The following LSM12 variants were observed in gnomAD, a reference collection of about 807,000 sequenced individuals.
LSM12 encodes the protein LSM12 homolog.
For synonymous variants in LSM12, 74 were observed against 87.3 expected, an observed-to-expected ratio of 0.85 and a Z score of 0.85; for missense variants, 108 against 238.9, an observed-to-expected ratio of 0.45 and a Z score of 3.61.
In LSM12 at chr17:44,066,602, C is replaced by CGCGGCCGGCGGCGGCGGCGGCAGCA. The variant is rs1313563031; in HGVS notation, c.-40_-16dup. ...GGAGCCGCCATCTTGGGAGTGCAGC[C>CGCGGCCGGCGGCGGCGGCGGCAGCA]GCGGCCGGCGGCGGCGGCGGCAGCA... is the stretch of plus-strand genomic sequence containing the variant. On this transcript the variant is annotated 5_prime_UTR_variant, in exon 1 of 5. Coordinates refer to ENST00000293406, the MANE Select transcript of LSM12 (RefSeq NM_001371445.1). The CGCGGCCGGCGGCGGCGGCGGCAGCA allele has an allele frequency of 7.4e-7, 1 of 1,355,384 alleles. No homozygotes were observed. Among genetic ancestry groups the CGCGGCCGGCGGCGGCGGCGGCAGCA allele is most frequent in the Non-Finnish European group, 9.5e-7 (1 of 1,049,964 alleles). 84.0% of individuals were successfully genotyped at this position (1,355,384 alleles called of 1,614,324 possible).
chr17:44,057,977 C>T (rs986007692), intron 2 of LSM12, among the ~76,000 whole-genome samples: 1 of 151,846 alleles, frequency 6.6e-6, no homozygotes, highest in African/African-American at 2.4e-5. Flanking sequence ...TGGCTCACGC[C>T]TGTAATCCCA....
chr17:44,057,050 G>A (rs1281611713), intron 2 of LSM12, among the ~76,000 whole-genome samples: 1 of 151,996 alleles, frequency 6.6e-6, no homozygotes, highest in East Asian at 2.0e-4. Flanking sequence ...CAGCTACTCG[G>A]GAGGCTGAGA....
At chr17:44,053,856 T>C (rs928942866) in intron 2 of LSM12, among the ~76,000 whole-genome samples, 8 of 152,150 alleles carry the variant, frequency 5.3e-5, no homozygotes, top group Admixed American at 6.6e-5. Context: ...CTCTACCACT[T>C]GTTTGGTTCC....
intron 2 of LSM12, among the ~76,000 whole-genome samples, chr17:44,055,776 C>A (rs1276305396): frequency 2.1e-5 from 3 of 145,602 alleles, no homozygotes; most frequent in Non-Finnish European, 3.0e-5. Flanking sequence ...AAGATATAAC[C>A]AAGAGCCCTG....
At chr17:44,046,757 T>C (rs976452379) in intron 2 of LSM12, among the ~76,000 whole-genome samples, 14 of 117,776 alleles carry the variant, frequency 1.2e-4, no homozygotes, top group African/African-American at 5.0e-4. Flanking sequence ...CTTTTTTTTT[T>C]TCTTTTTTTT....
chr17:44,051,140 C>T (rs1286910469), intron 2 of LSM12, among the ~76,000 whole-genome samples: 1 of 152,026 alleles, frequency 6.6e-6, no homozygotes, highest in Admixed American at 6.6e-5. Flanking sequence ...GGAGTGGTGG[C>T]TCACACCTGT....
At chr17:44,055,691 A>AATAT (rs893458630) in intron 2 of LSM12, among the ~76,000 whole-genome samples, 60 of 144,496 alleles carry the variant, frequency 4.2e-4, no homozygotes, top group African/African-American at 1.5e-3. Flanking sequence ...ATATATATAA[A>AATAT]ATATATATAT....
chr17:44,051,089 T>C (rs1022314807), intron 2 of LSM12, among the ~76,000 whole-genome samples: 3 of 151,962 alleles, frequency 2.0e-5, no homozygotes, highest in Non-Finnish European at 2.9e-5. Flanking sequence ...TTGGCCAACA[T>C]AGTGAAACCC....
intron 2 of LSM12, among the ~76,000 whole-genome samples, chr17:44,042,811 C>T: frequency 6.6e-6 from 1 of 152,138 alleles, no homozygotes; most frequent in East Asian, 1.9e-4. Flanking sequence ...TCGTGATCCA[C>T]CCACCTGGGC....
intron 2 of LSM12, among the ~76,000 whole-genome samples, chr17:44,057,147 CT>C (rs1040317013): frequency 2.0e-5 from 3 of 147,832 alleles, no homozygotes; most frequent in East Asian, 4.2e-4. Flanking sequence ...CAGAGTAAGA[CT>C]TTTTTTTTCT....
At chr17:44,056,344 C>G (rs1407706527) in intron 2 of LSM12, among the ~76,000 whole-genome samples, 1 of 151,620 alleles carries the variant, frequency 6.6e-6, no homozygotes, top group Non-Finnish European at 1.5e-5. Context: ...TAGCTCACTC[C>G]TGTAAATCCA....
chr17:44,046,023 G>A (rs543599282), intron 2 of LSM12, among the ~76,000 whole-genome samples: 11 of 138,832 alleles, frequency 7.9e-5, no homozygotes, highest in East Asian at 2.2e-4. Context: ...TGCAAGCTCC[G>A]CCTCCTGGGT....
chr17:44,059,892 T>C (rs1185632982), intron 2 of LSM12, among the ~76,000 whole-genome samples: 1 of 152,056 alleles, frequency 6.6e-6, no homozygotes, highest in African/African-American at 2.4e-5. Context: ...AGGCCGGGTG[T>C]GGTGGCTCAA....
chr17:44,061,695 G>A (rs909877022), intron 2 of LSM12, among the ~76,000 whole-genome samples: 1 of 152,174 alleles, frequency 6.6e-6, no homozygotes, highest in Non-Finnish European at 1.5e-5. Flanking sequence ...ACATTCCCAA[G>A]AGAGGCAAAG....
chr17:44,066,803 G>C, upstream of LSM12: 1 of 469,370 alleles, frequency 2.1e-6, no homozygotes, highest in Non-Finnish European at 3.2e-6. Flanking sequence ...GCGTCCGCTC[G>C]GTTAAGTGCT....
chr17:44,039,226 G>A (rs1379189163), intron 3 of LSM12, among the ~76,000 whole-genome samples: 1 of 151,896 alleles, frequency 6.6e-6, no homozygotes, highest in Non-Finnish European at 1.5e-5. Context: ...GGCTAATTTT[G>A]TATTTTTAGT....
At chr17:44,042,465 T>A (rs1024387782) in intron 2 of LSM12, among the ~76,000 whole-genome samples, 8 of 151,318 alleles carry the variant, frequency 5.3e-5, no homozygotes, top group Non-Finnish European at 1.2e-4. Context: ...AATGGCACGA[T>A]CTCAGCTCAC....
intron 2 of LSM12, among the ~76,000 whole-genome samples, chr17:44,047,154 C>CTT (rs1403241994): frequency 6.6e-6 from 1 of 152,156 alleles, no homozygotes; most frequent in Non-Finnish European, 1.5e-5. Context: ...TTGTACTTCC[C>CTT]TTTATGTCTA....
At chr17:44,059,961 G>T (rs1251748741) in intron 2 of LSM12, among the ~76,000 whole-genome samples, 1 of 151,962 alleles carries the variant, frequency 6.6e-6, no homozygotes, top group African/African-American at 2.4e-5. Flanking sequence ...TCAGGAGATC[G>T]AGACCATCCT....
Sources: allele counts gnomAD v4.1 joint callset (sites outside exome capture counted in the v4.1 genomes callset), GRCh38; gene constraint gnomAD v4.1.1; transcripts MANE v1.5; gene names NCBI Gene and HGNC (gene_info 2026-07-23, HGNC 2026-07-21).